Variants in RHOBTB2 observed in about 807,000 individuals in gnomAD.
RHOBTB2 encodes the protein Rho related BTB domain containing 2.
Under a neutral mutation model 66.5 loss-of-function variants are expected in RHOBTB2, and 39 were observed. The ratio of observed to expected loss-of-function variants is 0.59; its 90% confidence interval spans 0.45 to 0.77. RHOBTB2 has a LOEUF of 0.77. Among genes scored for constraint, RHOBTB2 ranks in the 30% least tolerant of loss-of-function variants. The pLI is 0.00. For missense variants in RHOBTB2, 755 were observed against 999.1 expected, an observed-to-expected ratio of 0.76 and a Z score of 3.29; for synonymous variants, 390 against 395.0, an observed-to-expected ratio of 0.99 and a Z score of 0.15.
At chr8:22,994,528 C>A (rs1406000394) in intron 2 of RHOBTB2, 3 of 1,362,670 alleles carry the variant, frequency 2.2e-6, no homozygotes, top group African/African-American at 2.9e-5. Context: ...TCTCCCCTGC[C>A]CCGCCCCATC....
At chr8:22,994,853 C>T (rs1585181791), upstream of RHOBTB2, among the ~76,000 whole-genome samples, 1 of 152,208 alleles carries the variant, frequency 6.6e-6, no homozygotes, top group East Asian at 1.9e-4. Context: ...GCAACCTCTG[C>T]CTCCCAGGTT....
the RHOBTB2 span, among the ~76,000 whole-genome samples, chr8:22,962,042 T>C: frequency 1.3e-5 from 2 of 152,094 alleles, no homozygotes; most frequent in Admixed American, 1.3e-4. Flanking sequence ...GTGACTGTAC[T>C]CCCAACTACT....
chr8:23,000,000 C>T lies in RHOBTB2; in HGVS notation c.-116C>T. The T allele has an allele frequency of 1.0e-6, 1 of 985,574 alleles. No homozygotes were observed. The highest frequency in any genetic ancestry group is 1.2e-6 in the Non-Finnish European group (1 of 830,024). The allele number at this position is 985,574 out of a possible 1,614,324, so 61.1% of individuals were successfully genotyped here. On this transcript the variant is annotated 5_prime_UTR_variant, in exon 1 of 10. Transcript: ENST00000251822. ...CAGCGCGGCGGCGCCGGCGTCGTCC[C>T]AACTTGCAGGCGCGGAGGGACCCCT...
chr8:23,008,157 G>T (rs573517777), intron 6 of RHOBTB2, 46 bp downstream of exon 6: 1 of 1,346,584 alleles, frequency 7.4e-7, no homozygotes, highest in South Asian at 1.2e-5. Flanking sequence ...TGAGACATTT[G>T]CACCCTTTAC....
intron 7 of RHOBTB2, among the ~76,000 whole-genome samples, chr8:23,013,842 T>C (rs968234752): frequency 6.6e-6 from 1 of 152,184 alleles, no homozygotes; most frequent in Non-Finnish European, 1.5e-5. Flanking sequence ...GATTTGAACA[T>C]TCTTGATTGG....
chr8:22,985,267 C>T (rs1810267243), upstream of RHOBTB2, among the ~76,000 whole-genome samples: 1 of 152,224 alleles, frequency 6.6e-6, no homozygotes, highest in South Asian at 2.1e-4. Context: ...ACAATCACTT[C>T]GATCTAAGAA....
At chr8:22,965,105 C>T in the RHOBTB2 span, among the ~76,000 whole-genome samples, 2 of 152,164 alleles carry the variant, frequency 1.3e-5, no homozygotes, top group Admixed American at 1.3e-4. Flanking sequence ...GTGTGAGCCA[C>T]CACATCTGGC....
At chr8:22,997,950 C>T (rs1299246128), upstream of RHOBTB2, among the ~76,000 whole-genome samples, 1 of 152,194 alleles carries the variant, frequency 6.6e-6, no homozygotes, top group Non-Finnish European at 1.5e-5. Flanking sequence ...TTTACTTTCT[C>T]TCCTAAATAT....
chr8:22,994,460 T>A, intron 2 of RHOBTB2: 1 of 696,740 alleles, frequency 1.4e-6, no homozygotes. Flanking sequence ...GGGCCCTCTA[T>A]CTGGGCTGAG....
At position 23,010,619 on chromosome 8, in the gene RHOBTB2, G is replaced by C; in HGVS notation, c.1702G>C (p.Asp568His). 1 of 1,614,102 alleles carries C rather than the reference G, an allele frequency of 6.2e-7. No individual in the cohort carries two copies. Among genetic ancestry groups the C allele is most frequent in the Non-Finnish European group, 8.5e-7 (1 of 1,180,032 alleles). The part of the protein sequence containing the change: ...LYTGMFTSSP[D>H]LDDMKLIILA... ...CACCGGCATGTTCACCTCCAGCCCC[G>C]ACCTGGATGACATGAAGCTCATCAT... Residue 568 changes from aspartate to histidine, a missense_variant, in exon 7 of 10, where the codon GAC becomes CAC. Physicochemically the swap from Asp to His is moderately conservative, Grantham distance 81 (BLOSUM62 -1). Around this residue, in one of 7 missense-constraint regions of RHOBTB2, gnomAD observed 353 missense variants for 458.2 expected, o/e 0.77. Coordinates refer to ENST00000251822, the MANE Select transcript of RHOBTB2 (RefSeq NM_015178.3).
At position 23,020,013 on chromosome 8, in the gene RHOBTB2, AAC is replaced by A; in HGVS notation, c.*2546_*2547del. ...ACACCCCCAGGAGGCCAAGCCTGAA[AAC>A]AGAGGGGAGGGAGGAAGGAAGGAGT... On this transcript the variant is annotated 3_prime_UTR_variant, in exon 10 of 10. Transcript: ENST00000251822. 1 of 314,630 alleles carries A rather than the reference AAC, an allele frequency of 3.2e-6. No homozygotes were observed. Among genetic ancestry groups the A allele is most frequent in the Non-Finnish European group, 6.2e-6 (1 of 160,912 alleles). 19.5% of individuals were successfully genotyped at this position (314,630 alleles called of 1,614,324 possible).
chr8:22,952,726 T>C, the RHOBTB2 span, among the ~76,000 whole-genome samples: 1 of 151,994 alleles, frequency 6.6e-6, no homozygotes, highest in African/African-American at 2.4e-5. Context: ...ACCAATGTGG[T>C]GAAAGCCCAT....
At chr8:23,007,774 G>T (rs1811017969) in intron 5 of RHOBTB2, 28 bp downstream of exon 5, 2 of 1,604,712 alleles carry the variant, frequency 1.2e-6, no homozygotes, top group East Asian at 2.2e-5. Flanking sequence ...AAAGCAAGGG[G>T]GTTCTGCATT....
At chr8:22,989,514 G>A (rs1284119329) in intron 1 of RHOBTB2, among the ~76,000 whole-genome samples, 2 of 152,148 alleles carry the variant, frequency 1.3e-5, no homozygotes, top group Non-Finnish European at 2.9e-5. Flanking sequence ...ATGTGGCAGG[G>A]CTCCAGGTCT....
chr8:22,990,954 C>T (rs934786102), intron 1 of RHOBTB2, among the ~76,000 whole-genome samples: 2 of 152,152 alleles, frequency 1.3e-5, no homozygotes, highest in African/African-American at 2.4e-5. Flanking sequence ...GGGTCAGAGG[C>T]TGTGTCGGGG....
chr8:23,016,737 T>G (rs1041430365), intron 9 of RHOBTB2, among the ~76,000 whole-genome samples: 1 of 152,026 alleles, frequency 6.6e-6, no homozygotes, highest in Non-Finnish European at 1.5e-5. Context: ...AAAGCACAGG[T>G]CCAATAGCAT....
At chr8:23,000,713 C>G (rs560773430) in intron 1 of RHOBTB2, among the ~76,000 whole-genome samples, 1 of 152,162 alleles carries the variant, frequency 6.6e-6, no homozygotes, top group African/African-American at 2.4e-5. Flanking sequence ...CAGCGACCCC[C>G]GTGGGAGCCT....
At chr8:22,968,871 G>GA in the RHOBTB2 span, among the ~76,000 whole-genome samples, 37 of 150,406 alleles carry the variant, frequency 2.5e-4, no homozygotes, top group Non-Finnish European at 2.7e-4. Flanking sequence ...ATTGGAGAGG[G>GA]AAAGGCCTTT....
At chr8:22,953,981 G>C in the RHOBTB2 span, among the ~76,000 whole-genome samples, 1 of 152,176 alleles carries the variant, frequency 6.6e-6, no homozygotes, top group East Asian at 1.9e-4. Flanking sequence ...TTGTCATGTA[G>C]GAAGAGCTTA....
Sources: gnomAD v4.1 joint callset for allele counts (sites outside exome capture counted in the v4.1 genomes callset) on GRCh38, gnomAD v4.1.1 for gene constraint, gnomAD v4.1.1 regional missense constraint, MANE v1.5 for transcripts, NCBI Gene and HGNC (gene_info 2026-07-23, HGNC 2026-07-21) for gene names.